FGF2: variants seen among roughly 807,000 people sequenced by gnomAD.
The protein encoded by FGF2 is basic fibroblast growth factor bFGF.
A neutral mutation model predicts 15.9 loss-of-function variants in FGF2; 13 were observed. The ratio of observed to expected loss-of-function variants is 0.82; its 90% CI spans 0.53 to 1.30. The LOEUF (loss-of-function observed/expected upper bound fraction) is 1.30. Ranked by LOEUF, FGF2 falls within the 50% of genes most tolerant of loss-of-function variation. The pLI is 0.00. For missense variants in FGF2, 163 were observed against 196.9 expected, an observed-to-expected ratio of 0.83 and a Z score of 1.03; for synonymous variants, 90 against 78.4, an observed-to-expected ratio of 1.15 and a Z score of -0.78.
At chr4:122,862,419 A>G (rs1344008737) in intron 1 of FGF2, among the ~76,000 whole-genome samples, 1 of 152,202 alleles carries the variant, frequency 6.6e-6, no homozygotes, top group Non-Finnish European at 1.5e-5. Flanking sequence ...CCAAAATAGG[A>G]GTTCCAAAAT....
intron 1 of FGF2, among the ~76,000 whole-genome samples, chr4:122,842,977 T>C (rs968802557): frequency 9.9e-5 from 15 of 152,212 alleles, no homozygotes; most frequent in Non-Finnish European, 2.2e-4. Context: ...ATTTGCTATT[T>C]TTAACCACAA....
chr4:122,848,788 T>C (rs1023400596), intron 1 of FGF2, among the ~76,000 whole-genome samples: 2 of 152,226 alleles, frequency 1.3e-5, no homozygotes, highest in Non-Finnish European at 2.9e-5. Flanking sequence ...AGCAGGAGTA[T>C]CATCGTCAGT....
In FGF2 at chr4:122,896,916, A is replaced by C. The variant is rs1159837406; in HGVS notation, c.*4520A>C. 1 of 152,242 alleles carries C rather than the reference A, an allele frequency of 6.6e-6. No homozygotes were observed. The highest frequency in any genetic ancestry group is 1.5e-5 in the Non-Finnish European group (1 of 68,038). 9.4% of individuals were successfully genotyped at this position (152,242 alleles called of 1,614,324 possible). ...CAAATACATTGATTTGTCATGATAC[A>C]CATTGAATTTGATCCAATAGTTTAA... On this transcript the variant is annotated 3_prime_UTR_variant, in exon 3 of 3. Transcript: ENST00000644866.
intron 1 of FGF2, among the ~76,000 whole-genome samples, chr4:122,843,005 C>T (rs1365965110): frequency 6.6e-6 from 1 of 152,098 alleles, no homozygotes; most frequent in Non-Finnish European, 1.5e-5. Context: ...CTATATTATA[C>T]AGAGCATTGG....
chr4:122,844,890 G>A (rs947246220), intron 1 of FGF2, among the ~76,000 whole-genome samples: 1 of 152,102 alleles, frequency 6.6e-6, no homozygotes, highest in African/African-American at 2.4e-5. Context: ...TTCTGCCTTG[G>A]CTTCCCAAAA....
At chr4:122,868,992 TC>T (rs1726668565) in intron 1 of FGF2, among the ~76,000 whole-genome samples, 3 of 152,214 alleles carry the variant, frequency 2.0e-5, no homozygotes, top group Admixed American at 1.3e-4. Context: ...TTGTTTAAGT[TC>T]CTTATAAATT....
Position 122,827,173 on chromosome 4 carries a change from C to T in FGF2, c.-2C>T. The T allele has an allele frequency of 6.4e-7, 1 of 1,565,550 alleles. No homozygotes were observed. The highest frequency in any genetic ancestry group is 1.2e-5 in the South Asian group (1 of 85,772). On this transcript the variant is annotated 5_prime_UTR_variant, in exon 1 of 3. Transcript: ENST00000644866. This position sits in a 1 kb window ranked among gnomAD's most constrained non-coding sequence, Gnocchi z 4.2. ...GGATCCCGGCCGGGCCCCGCAGGGA[C>T]CATGGCAGCCGGGAGCATCACCACG...
chr4:122,852,098 A>G (rs1299542073), intron 1 of FGF2, among the ~76,000 whole-genome samples: 1 of 152,158 alleles, frequency 6.6e-6, no homozygotes, highest in African/African-American at 2.4e-5. Flanking sequence ...TCAGTTGTCT[A>G]TTGCTGTGTA....
intron 1 of FGF2, among the ~76,000 whole-genome samples, chr4:122,829,375 G>T (rs1725712798): frequency 6.6e-6 from 1 of 152,116 alleles, no homozygotes; most frequent in African/African-American, 2.4e-5. Context: ...AGAGGCCGGG[G>T]ATGCTGCTGA....
intron 1 of FGF2, among the ~76,000 whole-genome samples, chr4:122,871,915 GA>G (rs35398841): frequency 0.95 from 144,809 of 152,048 alleles, 69,048 homozygotes; most frequent in African/African-American, 0.99. Flanking sequence ...AGATGAGAAA[GA>G]AATCAACGAA....
chr4:122,842,029 G>A (rs1725993744), intron 1 of FGF2, among the ~76,000 whole-genome samples: 1 of 152,182 alleles, frequency 6.6e-6, no homozygotes. Context: ...TATTGGCTCT[G>A]CCCATGGGTA....
intron 1 of FGF2, among the ~76,000 whole-genome samples, chr4:122,865,815 C>G (rs1351228837): frequency 1.3e-5 from 2 of 152,138 alleles, no homozygotes; most frequent in Non-Finnish European, 2.9e-5. Context: ...CTTTAAGTGT[C>G]ATTTTGGGCA....
rs1727321229 is a variant in FGF2 at position 122,895,479 on chromosome 4, G to C, written c.*3083G>C. 1 of 152,164 alleles carries C rather than the reference G, an allele frequency of 6.6e-6. No homozygotes were observed. Among genetic ancestry groups the C allele is most frequent in the African/African-American group, 2.4e-5 (1 of 41,438 alleles). The allele number at this position is 152,164 out of a possible 1,614,324, so 9.4% of individuals were successfully genotyped here. On this transcript the variant is annotated 3_prime_UTR_variant, in exon 3 of 3. Coordinates refer to ENST00000644866, the MANE Select transcript of FGF2 (RefSeq NM_001361665.2). Reference sequence around the variant, plus strand: ...TAATGGGAAATAATCTGCAGAATGTGGGTTTTCCTGGTGTTTCCCTCTGAC... The same window carrying C: ...TAATGGGAAATAATCTGCAGAATGTCGGTTTTCCTGGTGTTTCCCTCTGAC...
At chr4:122,835,544 A>T (rs1483453711) in intron 1 of FGF2, among the ~76,000 whole-genome samples, 2 of 151,944 alleles carry the variant, frequency 1.3e-5, no homozygotes, top group Non-Finnish European at 2.9e-5. Context: ...CCATTTTCTC[A>T]AACTAGCACC....
intron 1 of FGF2, among the ~76,000 whole-genome samples, chr4:122,830,234 CTG>C (rs1405650472): frequency 6.6e-6 from 1 of 152,118 alleles, no homozygotes; most frequent in Non-Finnish European, 1.5e-5. Context: ...GCCAGAAGGA[CTG>C]GAGTTTGGGG....
chr4:122,835,118 C>T (rs1425123715), intron 1 of FGF2, among the ~76,000 whole-genome samples: 2 of 152,196 alleles, frequency 1.3e-5, no homozygotes, highest in Non-Finnish European at 2.9e-5. Flanking sequence ...AATCCTCACC[C>T]TTTCCCCCAA....
chr4:122,865,278 TTTG>T (rs759905603), intron 1 of FGF2, among the ~76,000 whole-genome samples: 15 of 104,248 alleles, frequency 1.4e-4, no homozygotes, highest in East Asian at 1.3e-3. Context: ...TCTGTTTTTT[TTTG>T]TTTGTTTGTT....
intron 1 of FGF2, among the ~76,000 whole-genome samples, chr4:122,862,102 G>C (rs1331238486): frequency 6.6e-6 from 1 of 152,122 alleles, no homozygotes; most frequent in Non-Finnish European, 1.5e-5. Context: ...AAAGACCAAT[G>C]TTATATTTTC....
intron 1 of FGF2, among the ~76,000 whole-genome samples, chr4:122,840,955 T>C (rs1578453463): frequency 6.6e-6 from 1 of 152,020 alleles, no homozygotes; most frequent in Non-Finnish European, 1.5e-5. Flanking sequence ...GTAAGCTTGA[T>C]ACAGATCTCT....
Sources: allele counts gnomAD v4.1 joint callset (sites outside exome capture counted in the v4.1 genomes callset), GRCh38; gene constraint gnomAD v4.1.1; non-coding constraint Gnocchi (gnomAD v3.1); transcripts MANE v1.5; gene names NCBI Gene and HGNC (gene_info 2026-07-23, HGNC 2026-07-21).